The following CSMD1 variants were observed in gnomAD, a reference collection of about 807,000 sequenced individuals.
The protein encoded by CSMD1 is CUB and sushi domain-containing protein 1.
In CSMD1, 213 loss-of-function variants were observed where a neutral mutation model predicts 417.5. The ratio of observed to expected loss-of-function variants is 0.51; its 90% CI spans 0.46 to 0.57. The LOEUF (loss-of-function observed/expected upper bound fraction) is 0.57. CSMD1 is among the 20% of genes least tolerant of loss of function. CSMD1 has a pLI of 0.00. For missense variants in CSMD1, 6,923 were observed against 4,529.7 expected, an observed-to-expected ratio of 1.53 and a Z score of -15.17; for synonymous variants, 2,862 against 1,736.8, an observed-to-expected ratio of 1.65 and a Z score of -16.11.
At chr8:4,251,111 C>G (rs1197202140) in intron 3 of CSMD1, among the ~76,000 whole-genome samples, 3 of 152,058 alleles carry the variant, frequency 2.0e-5, no homozygotes, top group South Asian at 2.1e-4. Context: ...TTTCTGAAGG[C>G]TACCTATAAA....
intron 4 of CSMD1, among the ~76,000 whole-genome samples, chr8:4,016,689 T>C (rs978036598): frequency 2.0e-5 from 3 of 152,200 alleles, no homozygotes; most frequent in African/African-American, 4.8e-5. Flanking sequence ...TTCAGCAAAA[T>C]AGATTTAGCC....
rs188175523 is a variant in CSMD1, at chr8:4,089,304, G to T, written c.416-57205C>A. On this transcript the variant is annotated intron_variant, in intron 3 of 69. Transcript: ENST00000635120. ...GGTGCCTGCCAACTTGTAGATGTTT[G>T]AAAGAAGAAAGAAGGAAAGAAGAGA... Among the ~76,000 whole-genome samples the T allele has an allele frequency of 7.0e-3, 1,065 of 152,264 alleles. 10 individuals carry two copies. Among genetic ancestry groups the T allele is most frequent in the Non-Finnish European group, 9.5e-3 (644 of 68,034 alleles).
At chr8:3,719,021 A>T (rs1801994337) in intron 6 of CSMD1, among the ~76,000 whole-genome samples, 1 of 152,170 alleles carries the variant, frequency 6.6e-6, no homozygotes, top group Non-Finnish European at 1.5e-5. Flanking sequence ...GCTCAGAAAC[A>T]ACATTCTTCC....
rs374198938 is a variant in CSMD1 at position 4,745,743 on chromosome 8, T to G, written c.86-108185A>C. 3.0e-4 allele frequency among the ~76,000 whole-genome samples: 46 copies of G among 152,314 alleles called. No individual in the cohort carries two copies. In the South Asian group the frequency reaches 9.5e-3, roughly 32 times the overall value. The stretch of plus-strand genomic sequence containing the variant: ...AGCATACTTTAATGGAGTAACACTC[T>G]CCAACATATTTAAATCTATAGGAAC... On this transcript the variant is annotated intron_variant, in intron 1 of 69. Coordinates refer to ENST00000635120, the MANE Select transcript of CSMD1 (RefSeq NM_033225.6).
At chr8:4,637,188 G>A (rs1802870546) in intron 2 of CSMD1, among the ~76,000 whole-genome samples, 154 bp downstream of exon 2, 2 of 150,438 alleles carry the variant, frequency 1.3e-5, no homozygotes, top group South Asian at 2.1e-4. Flanking sequence ...TCACCCCAAA[G>A]GTCTGTGGCT....
At chr8:3,870,660 A>T (rs2930351) in intron 5 of CSMD1, among the ~76,000 whole-genome samples, 37,996 of 151,960 alleles carry the variant, frequency 0.25, 4,962 homozygotes, top group East Asian at 0.38. Flanking sequence ...TTTTGCTTTT[A>T]TTTACCTGAA....
intron 3 of CSMD1, among the ~76,000 whole-genome samples, chr8:4,405,588 G>A (rs183230735): frequency 6.6e-6 from 1 of 152,118 alleles, no homozygotes; most frequent in Non-Finnish European, 1.5e-5. Flanking sequence ...CAAAACGTGA[G>A]TTTGTTTGTT....
At chr8:3,316,146 T>C (rs979653898) in intron 23 of CSMD1, among the ~76,000 whole-genome samples, 3 of 152,206 alleles carry the variant, frequency 2.0e-5, no homozygotes, top group African/African-American at 7.2e-5. Context: ...CACTCTAAAT[T>C]CATCTTTAAA....
At chr8:4,875,180 C>A (rs1470784915) in intron 1 of CSMD1, among the ~76,000 whole-genome samples, 1 of 151,912 alleles carries the variant, frequency 6.6e-6, no homozygotes, top group Non-Finnish European at 1.5e-5. Context: ...AGATTCGTGT[C>A]TCTTTCTCTG....
At chr8:4,224,343 T>A (rs116238991) in intron 3 of CSMD1, among the ~76,000 whole-genome samples, 1 of 152,158 alleles carries the variant, frequency 6.6e-6, no homozygotes, top group African/African-American at 2.4e-5. Context: ...TTGGCAGCCT[T>A]AGGTACATGT....
chr8:4,835,790 A>G (rs1418737784), intron 1 of CSMD1, among the ~76,000 whole-genome samples: 1 of 151,586 alleles, frequency 6.6e-6, no homozygotes, highest in Non-Finnish European at 1.5e-5. Flanking sequence ...AGTAATTCTC[A>G]ACAGTGTTAT....
chr8:3,321,939 G>C (rs748312200), intron 23 of CSMD1, among the ~76,000 whole-genome samples: 8 of 152,114 alleles, frequency 5.3e-5, no homozygotes, highest in Non-Finnish European at 1.2e-4. Context: ...GTATTATTTA[G>C]CAAACCTAAA....
chr8:3,899,919 T>C (rs892634860), intron 5 of CSMD1, among the ~76,000 whole-genome samples: 1 of 152,242 alleles, frequency 6.6e-6, no homozygotes, highest in Non-Finnish European at 1.5e-5. Context: ...GTCTTTAATG[T>C]GTAAAATATT....
intron 5 of CSMD1, among the ~76,000 whole-genome samples, chr8:3,961,547 T>C (rs1294800976): frequency 6.6e-6 from 1 of 152,222 alleles, no homozygotes; most frequent in Non-Finnish European, 1.5e-5. Context: ...AAATCTATCC[T>C]AGGCAGAAAT....
intron 4 of CSMD1, among the ~76,000 whole-genome samples, chr8:4,017,551 C>T (rs1563322941): frequency 6.6e-6 from 1 of 152,106 alleles, no homozygotes; most frequent in Non-Finnish European, 1.5e-5. Context: ...GATGATCCAC[C>T]CACCTTGGTC....
intron 5 of CSMD1, among the ~76,000 whole-genome samples, chr8:3,948,725 T>C (rs1282021765): frequency 2.0e-5 from 3 of 152,124 alleles, no homozygotes; most frequent in Non-Finnish European, 4.4e-5. Flanking sequence ...CAACAATCAA[T>C]AATACAGTGA....
At chr8:4,515,014 C>T (rs531114044) in intron 2 of CSMD1, among the ~76,000 whole-genome samples, 1 of 152,188 alleles carries the variant, frequency 6.6e-6, no homozygotes, top group African/African-American at 2.4e-5. Context: ...TGGCAGCTTT[C>T]CATTCTCAAA....
chr8:4,225,839 TC>T (rs1255022904), intron 3 of CSMD1, among the ~76,000 whole-genome samples: 2 of 152,190 alleles, frequency 1.3e-5, no homozygotes, highest in African/African-American at 4.8e-5. Flanking sequence ...CACAATATGA[TC>T]AGCCTAAATG....
intron 26 of CSMD1, among the ~76,000 whole-genome samples, chr8:3,261,013 C>T (rs1430309291): frequency 6.6e-6 from 1 of 151,810 alleles, no homozygotes; most frequent in Non-Finnish European, 1.5e-5. Context: ...CAAACAAATA[C>T]CAAAAAAAAC....
Sources: allele counts gnomAD v4.1 joint callset (sites outside exome capture counted in the v4.1 genomes callset), GRCh38; gene constraint gnomAD v4.1.1; transcripts MANE v1.5; gene names NCBI Gene and HGNC (gene_info 2026-07-23, HGNC 2026-07-21).